The following SELENBP1 variants were observed in gnomAD, a reference collection of about 807,000 sequenced individuals.
SELENBP1 encodes selenium binding protein 1.
SELENBP1 carries 71 observed loss-of-function variants against 61.0 expected under a neutral mutation model. The ratio of observed to expected loss-of-function variants is 1.16; its 90% CI spans 0.96 to 1.42. The LOEUF (loss-of-function observed/expected upper bound fraction) is 1.42, where lower values mean the gene tolerates loss of function less well. SELENBP1 is among the 40% of genes most tolerant of loss of function. SELENBP1 has a pLI of 0.00. For missense variants in SELENBP1, 561 were observed against 605.0 expected (o/e 0.93, Z 0.76); for synonymous variants, 270 against 238.9 (o/e 1.13, Z -1.20).
intron 9 of SELENBP1, 47 bp downstream of exon 9, chr1:151,365,516 C>T: frequency 6.2e-7 from 1 of 1,611,470 alleles, no homozygotes. Context: ...CCCAGCTTCT[C>T]TTCTCTTTCC....
At chr1:151,369,252 G>C (rs1652024708) in intron 3 of SELENBP1, 63 bp from the exon 4 acceptor site, 13 of 1,565,018 alleles carry the variant, frequency 8.3e-6, no homozygotes, top group Middle Eastern at 2.1e-4. Context: ...TGGAAGAGGC[G>C]CCCTGTGGAC....
intron 3 of SELENBP1, 33 bp from the exon 4 acceptor site, chr1:151,369,222 G>T: frequency 6.3e-7 from 1 of 1,595,312 alleles, no homozygotes; most frequent in Non-Finnish European, 8.6e-7. Context: ...GCTCCCCCAG[G>T]CCACGCCTCT....
chr1:151,366,105 CCA>C (rs1227802688), intron 7 of SELENBP1, 168 bp downstream of exon 7: 2 of 826,876 alleles, frequency 2.4e-6, no homozygotes, highest in African/African-American at 1.7e-5. Flanking sequence ...ATAAATACGG[CCA>C]GTTAGGGTTC....
At chr1:151,369,383 G>T in intron 3 of SELENBP1, 59 bp downstream of exon 3, 2 of 1,520,688 alleles carry the variant, frequency 1.3e-6, no homozygotes, top group South Asian at 1.2e-5. Flanking sequence ...GGGGGGCCCA[G>T]GGCCAGGGAT....
At chr1:151,371,843 C>T (rs531086031) in intron 1 of SELENBP1, among the ~76,000 whole-genome samples, 92 of 152,184 alleles carry the variant, frequency 6.0e-4, no homozygotes, top group African/African-American at 2.2e-3. Context: ...CCCCAGGGAG[C>T]ATCATTCCTC....
At position 151,364,523 on chromosome 1, in the gene SELENBP1, G is replaced by A. The variant is rs778855210; in HGVS notation, c.*20C>T. On this transcript the variant is annotated 3_prime_UTR_variant, in exon 12 of 12. Coordinates refer to ENST00000368868, the MANE Select transcript of SELENBP1 (RefSeq NM_003944.4). ...GAAGTGAGGGCCCAAAATAGGGAGT[G>A]TGGGTGATGAGGGTGGAGTTCAAAT... The A allele has an allele frequency of 1.2e-6, 2 of 1,613,722 alleles. No individual in the cohort carries two copies. Among genetic ancestry groups the A allele is most frequent in the Non-Finnish European group, 1.7e-6 (2 of 1,179,902 alleles).
intron 4 of SELENBP1, 32 bp from the exon 5 acceptor site, chr1:151,368,351 T>C (rs760477641): frequency 6.2e-7 from 1 of 1,611,570 alleles, no homozygotes; most frequent in South Asian, 1.1e-5. Flanking sequence ...GTCAGAATCA[T>C]ACAGGACTGG....
chr1:151,368,898 C>T (rs1476927341), intron 4 of SELENBP1, 106 bp downstream of exon 4: 18 of 1,229,108 alleles, frequency 1.5e-5, no homozygotes, highest in African/African-American at 7.5e-5. Flanking sequence ...CCAGTTGCCG[C>T]GTAAGAGCTG....
chr1:151,371,773 C>T (rs1400141152), intron 1 of SELENBP1, among the ~76,000 whole-genome samples: 1 of 152,196 alleles, frequency 6.6e-6, no homozygotes, highest in Non-Finnish European at 1.5e-5. Flanking sequence ...CGGCCCACCC[C>T]ACACCCCAGC....
chr1:151,365,705 G>A (rs531212967), intron 8 of SELENBP1, 21 bp from the exon 9 acceptor site: 2 of 1,613,998 alleles, frequency 1.2e-6, no homozygotes, highest in African/African-American at 2.7e-5. Flanking sequence ...GGGGCGAGTA[G>A]AGCCTTTAAG....
chr1:151,364,382 AG>A lies in SELENBP1; in HGVS notation c.*160del. ...AGCAGCACAGTGAGCAACAAGCAACAGTGGTCAGTAAATGTATATGACTCAA... is the reference window on the plus strand; with the variant it reads ...AGCAGCACAGTGAGCAACAAGCAACATGGTCAGTAAATGTATATGACTCAA... On this transcript the variant is annotated 3_prime_UTR_variant, in exon 12 of 12. Transcript: ENST00000368868. 1 of 800,188 alleles carries A rather than the reference AG, an allele frequency of 1.2e-6. No homozygotes were observed. The highest frequency in any genetic ancestry group is 2.0e-6 in the Non-Finnish European group (1 of 492,298). The allele number at this position is 800,188 out of a possible 1,614,324, so 49.6% of individuals were successfully genotyped here.
intron 7 of SELENBP1, 169 bp downstream of exon 7, chr1:151,366,106 C>CAGTT: frequency 1.2e-6 from 1 of 830,128 alleles, no homozygotes; most frequent in Non-Finnish European, 1.9e-6. Flanking sequence ...TAAATACGGC[C>CAGTT]AGTTAGGGTT....
chr1:151,366,299 G>A lies in SELENBP1; in HGVS notation c.819C>T (p.Thr273=), dbSNP rs1651811146. 1 of 1,613,812 alleles carries A rather than the reference G, an allele frequency of 6.2e-7. No homozygotes were observed. Among genetic ancestry groups the A allele is most frequent in the South Asian group, 1.1e-5 (1 of 91,074 alleles). The part of the protein sequence containing the change: ...QGFVGCALSS[T]IQRFYKNEGG... ...CCTCGTTCTTGTAGAAGCGCTGGAT[G>A]GTGGAGCTGAGTGCGCAGCCCACAA... The change falls in exon 7 of 12, where the codon ACC becomes ACT. Residue 273 remains threonine, a synonymous_variant. Transcript: ENST00000368868.
intron 5 of SELENBP1, chr1:151,367,355 A>AAAAAAAAAAAAAAGAAAAGAAAAG: frequency 2.0e-5 from 1 of 49,264 alleles, no homozygotes; most frequent in Non-Finnish European, 3.8e-5. Flanking sequence ...AAAAAAAAAA[A>AAAAAAAAAAAAAAGAAAAGAAAAG]AAAAAGAGAA....
chr1:151,371,218 T>A (rs1321683771), intron 1 of SELENBP1, among the ~76,000 whole-genome samples: 1 of 152,064 alleles, frequency 6.6e-6, no homozygotes, highest in African/African-American at 2.4e-5. Flanking sequence ...ACCCTGTCTC[T>A]ATTAAAAATA....
chr1:151,371,112 G>A (rs911936738), intron 1 of SELENBP1, among the ~76,000 whole-genome samples: 2 of 152,182 alleles, frequency 1.3e-5, no homozygotes, highest in African/African-American at 4.8e-5. Context: ...GGCCGGGTGC[G>A]GTGGCTCATG....
chr1:151,366,648 G>A, intron 6 of SELENBP1, 74 bp downstream of exon 6: 3 of 1,542,760 alleles, frequency 1.9e-6, no homozygotes, highest in East Asian at 2.3e-5. Context: ...GGAAGTGTGG[G>A]GGTGGGAGAT....
chr1:151,372,428 C>G (rs1018096908), intron 1 of SELENBP1, among the ~76,000 whole-genome samples: 1 of 152,046 alleles, frequency 6.6e-6, no homozygotes, highest in African/African-American at 2.4e-5. Flanking sequence ...CCAGCAGTGC[C>G]TCTGCCCGTC....
chr1:151,365,664 G>C lies in SELENBP1; in HGVS notation c.943C>G (p.Leu315Val). 6.2e-7 allele frequency: 1 copy of C among 1,614,198 alleles called. No individual in the cohort carries two copies. The highest frequency in any genetic ancestry group is 1.1e-5 in the South Asian group (1 of 91,084). ...TAGAGGAAGCGGTCGTCCAGGGAGA[G>C]CAGGATGTCGGTGATCAGGCCTGTG... is the stretch of plus-strand genomic sequence containing the variant. ...EMPGLITDIL[L>V]SLDDRFLYFS... is the part of the protein sequence containing the mutation. Residue 315 changes from leucine (L) to valine (V), a missense_variant, in exon 9 of 12, where the codon CTC becomes GTC. Transcript: ENST00000368868.
Sources: gnomAD v4.1 joint callset for allele counts (sites outside exome capture counted in the v4.1 genomes callset) on GRCh38, gnomAD v4.1.1 for gene constraint, MANE v1.5 for transcripts, NCBI Gene and HGNC (gene_info 2026-07-23, HGNC 2026-07-21) for gene names.